Variants in BNIP2 observed in about 807,000 individuals in gnomAD.
The protein encoded by BNIP2 is BCL2/adenovirus E1B 19 kDa protein-interacting protein 2.
A neutral mutation model predicts 43.4 loss-of-function variants in BNIP2; 36 were observed. That is an observed-to-expected ratio of 0.83 (90% CI 0.64 to 1.10). BNIP2 has a LOEUF of 1.10. Ranked by LOEUF, BNIP2 falls within the 50% of genes least tolerant of loss-of-function variation. The pLI, the probability that BNIP2 is intolerant of heterozygous loss-of-function variation, is 0.00. For missense variants in BNIP2, 417 were observed against 374.1 expected (o/e 1.11, Z -0.95); for synonymous variants, 146 against 121.0 (o/e 1.21, Z -1.35).
chr15:59,678,178 G>C, intron 4 of BNIP2, 91 bp from the exon 5 acceptor site: 1 of 1,437,036 alleles, frequency 7.0e-7, no homozygotes, highest in Admixed American at 2.9e-5. Flanking sequence ...ATTTTACAGA[G>C]AATTTTCATT....
intron 5 of BNIP2, among the ~76,000 whole-genome samples, chr15:59,675,434 C>A (rs534950752): frequency 1.3e-5 from 2 of 151,598 alleles, no homozygotes; most frequent in Non-Finnish European, 1.5e-5. Flanking sequence ...CATGGTGAAA[C>A]CCTTTCTCTA....
rs1327271407 is a variant in BNIP2, at chr15:59,662,947, A to G, written c.*1122T>C. ...ATGCTTGTAACAAACGTGTTATCCA[A>G]AACAGCACAATATGATGATGCTAAG... On this transcript the variant is annotated 3_prime_UTR_variant, in exon 10 of 10. Coordinates refer to ENST00000607373, the MANE Select transcript of BNIP2 (RefSeq NM_004330.4). 6.6e-6 allele frequency: 1 copy of G among 152,442 alleles called. No individual in the cohort carries two copies. The highest frequency in any genetic ancestry group is 2.4e-5 in the African/African-American group (1 of 41,460). 9.4% of individuals were successfully genotyped at this position (152,442 alleles called of 1,614,324 possible). A position where few individuals can be genotyped will look rare whatever the true frequency, so the allele number is the denominator to read the frequency against.
intron 1 of BNIP2, among the ~76,000 whole-genome samples, chr15:59,683,944 G>C (rs1320449043): frequency 6.6e-6 from 1 of 152,182 alleles, no homozygotes; most frequent in Non-Finnish European, 1.5e-5. Flanking sequence ...AATCAATTAT[G>C]TCAGCCATTC....
chr15:59,681,502 G>A (rs1018158329), intron 2 of BNIP2, among the ~76,000 whole-genome samples: 1 of 149,730 alleles, frequency 6.7e-6, no homozygotes, highest in South Asian at 2.1e-4. Flanking sequence ...AAGCTGGAGT[G>A]CAGCAGCGCG....
chr15:59,668,538 G>C (rs1892699064), intron 9 of BNIP2, among the ~76,000 whole-genome samples: 1 of 152,172 alleles, frequency 6.6e-6, no homozygotes, highest in African/African-American at 2.4e-5. Context: ...TTGATGATCA[G>C]TTTACTCAAA....
chr15:59,670,430 C>CAAAA (rs1892829237), intron 7 of BNIP2, among the ~76,000 whole-genome samples: 1 of 151,872 alleles, frequency 6.6e-6, no homozygotes, highest in Non-Finnish European at 1.5e-5. Flanking sequence ...GACCCTGTCT[C>CAAAA]AAAACAAAAC....
intron 1 of BNIP2, among the ~76,000 whole-genome samples, chr15:59,684,606 G>T (rs6151461): frequency 7.2e-5 from 11 of 151,968 alleles, no homozygotes; most frequent in African/African-American, 2.4e-4. Flanking sequence ...CTGAAAACTG[G>T]TAAGTCTTTT....
intron 7 of BNIP2, among the ~76,000 whole-genome samples, chr15:59,670,294 G>C (rs1892818913): frequency 6.6e-6 from 1 of 152,126 alleles, no homozygotes; most frequent in African/African-American, 2.4e-5. Flanking sequence ...AGCTGGGTGT[G>C]GTGGCACATG....
At chr15:59,664,405 G>A (rs1017000062) in intron 9 of BNIP2, among the ~76,000 whole-genome samples, 4 of 151,354 alleles carry the variant, frequency 2.6e-5, no homozygotes, top group South Asian at 4.2e-4. Context: ...TTTTTGAGAC[G>A]GAGTCTTGCT....
chr15:59,665,871 C>T (rs913149400), intron 9 of BNIP2, among the ~76,000 whole-genome samples: 8 of 152,154 alleles, frequency 5.3e-5, no homozygotes, highest in Admixed American at 5.2e-4. Flanking sequence ...TCACCCATTA[C>T]TATGCCCACC....
At position 59,662,793 on chromosome 15, in the gene BNIP2, A is replaced by G. The variant is rs541566774; in HGVS notation, c.*1276T>C. ...CTTACCAGCTGTGTATGAGCCTTTC[A>G]AGTATATGACACAATATCAGATCAA... is the stretch of plus-strand genomic sequence containing the variant. On this transcript the variant is annotated 3_prime_UTR_variant, in exon 10 of 10. Coordinates refer to ENST00000607373, the MANE Select transcript of BNIP2 (RefSeq NM_004330.4). The G allele has an allele frequency of 1.2e-4, 18 of 152,236 alleles. No homozygotes were observed. Among genetic ancestry groups the G allele is most frequent in the Non-Finnish European group, 2.1e-4 (14 of 68,038 alleles). The allele number at this position is 152,236 out of a possible 1,614,324, so 9.4% of individuals were successfully genotyped here. A position where few individuals can be genotyped will look rare whatever the true frequency, so the allele number is the denominator to read the frequency against.
chr15:59,672,510 G>A (rs1332640471), intron 6 of BNIP2, 127 bp downstream of exon 6: 1 of 641,616 alleles, frequency 1.6e-6, no homozygotes. Context: ...GGACTCAAGT[G>A]ATCTGCCCAC....
chr15:59,682,400 T>A lies in BNIP2; in HGVS notation c.50+8A>T, dbSNP rs757154582. On this transcript the variant is annotated splice_region_variant and intron_variant, in intron 2 of 9. Transcript: ENST00000607373. ...CTAAAATTGTTTTCTTTTAAAAGCATTGCTCACATCGGAAAATCTTCATCT... is the reference window on the plus strand; with the variant it reads ...CTAAAATTGTTTTCTTTTAAAAGCAATGCTCACATCGGAAAATCTTCATCT... 1 of 1,606,026 alleles carries A rather than the reference T, an allele frequency of 6.2e-7. No individual in the cohort carries two copies. The highest frequency in any genetic ancestry group is 1.7e-5 in the Admixed American group (1 of 57,438).
At chr15:59,684,076 A>C (rs1287329226) in intron 1 of BNIP2, among the ~76,000 whole-genome samples, 1 of 152,262 alleles carries the variant, frequency 6.6e-6, no homozygotes, top group Non-Finnish European at 1.5e-5. Context: ...CGTAATGACA[A>C]AATTACAATG....
Position 59,668,936 on chromosome 15 carries a change from T to G in BNIP2, c.849A>C (p.Glu283Asp). Residue 283 changes from glutamate (E) to aspartate (D), a missense_variant, in exon 9 of 10, where the codon GAA becomes GAC. Physicochemically the swap from Glu to Asp is conservative, Grantham distance 45. Coordinates refer to ENST00000607373, the MANE Select transcript of BNIP2 (RefSeq NM_004330.4). ...RYVFNLAELA[E>D]LVPMEYVGIP... ...TGCCAACGTATTCCATGGGGACAAG[T>G]TCTGCTAGTTCTGCCAAATTAAACA... is the stretch of plus-strand genomic sequence containing the variant. 6.2e-7 allele frequency: 1 copy of G among 1,613,770 alleles called. No individual in the cohort carries two copies. The highest frequency in any genetic ancestry group is 1.7e-5 in the Admixed American group (1 of 60,018).
At chr15:59,687,246 A>G (rs1448389799) in intron 1 of BNIP2, among the ~76,000 whole-genome samples, 3 of 152,214 alleles carry the variant, frequency 2.0e-5, no homozygotes, top group Non-Finnish European at 4.4e-5. Context: ...ATTAGTTGCA[A>G]TATAAAACTA....
chr15:59,683,691 C>T (rs1326229174), intron 1 of BNIP2, among the ~76,000 whole-genome samples: 6 of 152,052 alleles, frequency 3.9e-5, no homozygotes, highest in Non-Finnish European at 5.9e-5. Context: ...TGGTGGCAGG[C>T]GCCTGTAATC....
intron 1 of BNIP2, among the ~76,000 whole-genome samples, chr15:59,685,159 A>C (rs1212319097): frequency 6.6e-6 from 1 of 152,244 alleles, no homozygotes; most frequent in Non-Finnish European, 1.5e-5. Context: ...AAGACAATCC[A>C]TTCCTTTCAG....
intron 1 of BNIP2, 59 bp from the exon 2 acceptor site, chr15:59,682,573 G>C (rs1462725949): frequency 7.4e-7 from 1 of 1,356,412 alleles, no homozygotes; most frequent in Non-Finnish European, 1.0e-6. Context: ...CCACTGAAAA[G>C]GCGTAATAAT....
Sources: gnomAD v4.1 joint callset for allele counts (sites outside exome capture counted in the v4.1 genomes callset) on GRCh38, gnomAD v4.1.1 for gene constraint, MANE v1.5 for transcripts, NCBI Gene and HGNC (gene_info 2026-07-23, HGNC 2026-07-21) for gene names.